Variants in NOVA1 observed in about 807,000 individuals in gnomAD.
NOVA1 encodes the protein RNA-binding protein Nova-1.
A neutral mutation model predicts 38.0 loss-of-function variants in NOVA1; 7 were observed. The ratio of observed to expected loss-of-function variants is 0.18; its 90% CI spans 0.10 to 0.35. The LOEUF is 0.35. NOVA1 is among the 10% of genes least tolerant of loss of function. NOVA1 has a pLI of 1.00. For synonymous variants in NOVA1, 270 were observed against 232.5 expected (o/e 1.16, Z -1.47); for missense variants, 460 against 616.0 (o/e 0.75, Z 2.68).
intron 2 of NOVA1, among the ~76,000 whole-genome samples, chr14:26,542,499 A>G (rs1274388812): frequency 1.3e-5 from 2 of 151,890 alleles, no homozygotes; most frequent in Non-Finnish European, 3.0e-5. Context: ...TGCATTTCAA[A>G]TTGAGACAAC....
chr14:26,528,793 T>C lies in NOVA1; in HGVS notation c.281-48650A>G, dbSNP rs148306027. The stretch of plus-strand genomic sequence containing the variant: ...TCCCTTTAGCCGAATCCTACTATTG[T>C]TGGTGCCCTGTGGTCTTCTTCTAAT... On this transcript the variant is annotated intron_variant, in intron 2 of 4. Transcript: ENST00000539517. 2.5e-3 allele frequency among the ~76,000 whole-genome samples: 380 copies of C among 152,332 alleles called. 1 individual carries two copies. The highest frequency in any genetic ancestry group is 8.6e-3 in the African/African-American group (359 of 41,572).
intron 2 of NOVA1, among the ~76,000 whole-genome samples, chr14:26,521,122 T>C (rs1387796151): frequency 6.6e-6 from 1 of 151,998 alleles, no homozygotes. Context: ...AAGAGTACAA[T>C]TTGAAAATCA....
chr14:26,448,954 T>C lies in NOVA1; in HGVS notation c.529A>G (p.Ile177Val). The C allele has an allele frequency of 6.2e-7, 1 of 1,606,176 alleles. No individual in the cohort carries two copies. The highest frequency in any genetic ancestry group is 8.5e-7 in the Non-Finnish European group (1 of 1,175,838). Residue 177 changes from isoleucine (I) to valine (V), a missense_variant, in exon 5 of 5, where the codon ATA becomes GTA. Ile to Val is a conservative substitution (Grantham distance 29). Transcript: ENST00000539517. The surrounding 1 kb of genome is among the most constrained non-coding windows in gnomAD (Gnocchi z 5.3). The stretch of plus-strand genomic sequence containing the variant: ...AGACCTGCTGTGCTGTTGGGAACTA[T>C]AATCTTTACCTGTAATTAAAAAAAA... Reference protein sequence around the residue: ...TTSRANQVKIIVPNSTAGLII... With the variant: ...TTSRANQVKIVVPNSTAGLII...
At chr14:26,480,225 C>A in intron 2 of NOVA1, 82 bp from the exon 3 acceptor site, 2 of 1,205,766 alleles carry the variant, frequency 1.7e-6, no homozygotes, top group South Asian at 1.5e-5. Flanking sequence ...ATCATAACGC[C>A]AAAAAAATGT....
At chr14:26,487,471 T>C (rs1192826722) in intron 2 of NOVA1, among the ~76,000 whole-genome samples, 2 of 152,062 alleles carry the variant, frequency 1.3e-5, no homozygotes, top group Non-Finnish European at 2.9e-5. Flanking sequence ...GTATAATTGA[T>C]TGACACACAT....
At chr14:26,565,622 C>T (rs984427694) in intron 2 of NOVA1, among the ~76,000 whole-genome samples, 16 of 152,112 alleles carry the variant, frequency 1.1e-4, no homozygotes, top group African/African-American at 3.6e-4. Context: ...GACCATGGTT[C>T]ACTTATTTTT....
intron 2 of NOVA1, among the ~76,000 whole-genome samples, chr14:26,487,311 A>C (rs2138335150): frequency 6.6e-6 from 1 of 152,300 alleles, no homozygotes; most frequent in Non-Finnish European, 1.5e-5. Flanking sequence ...GAATAACTTA[A>C]AATTTGAAGC....
At chr14:26,453,213 T>TATTC in intron 4 of NOVA1, among the ~76,000 whole-genome samples, 1 of 150,034 alleles carries the variant, frequency 6.7e-6, no homozygotes, top group East Asian at 2.0e-4. Flanking sequence ...TGTATGTATT[T>TATTC]ATTTATTTTT....
intron 2 of NOVA1, among the ~76,000 whole-genome samples, chr14:26,589,829 T>C (rs1462904328): frequency 6.6e-6 from 1 of 151,792 alleles, no homozygotes; most frequent in African/African-American, 2.4e-5. Context: ...TTGAAAATAT[T>C]TCCATATTAA....
At chr14:26,472,820 G>A (rs1226094145) in intron 3 of NOVA1, among the ~76,000 whole-genome samples, 1 of 151,858 alleles carries the variant, frequency 6.6e-6, no homozygotes, top group African/African-American at 2.4e-5. Flanking sequence ...GTGGTGAAAT[G>A]AAGTTTACTT....
At chr14:26,452,040 G>T (rs1317166978) in intron 4 of NOVA1, among the ~76,000 whole-genome samples, 1 of 152,038 alleles carries the variant, frequency 6.6e-6, no homozygotes, top group Non-Finnish European at 1.5e-5. Flanking sequence ...TTCTGTGTAA[G>T]ACTACCAAAT....
intron 2 of NOVA1, among the ~76,000 whole-genome samples, chr14:26,537,225 AG>A (rs1357248044): frequency 1.3e-5 from 2 of 152,022 alleles, no homozygotes; most frequent in Admixed American, 6.6e-5. Flanking sequence ...TGAAAAATGA[AG>A]GGTATATTAT....
chr14:26,575,121 C>G (rs1467223068), intron 2 of NOVA1, among the ~76,000 whole-genome samples: 1 of 152,130 alleles, frequency 6.6e-6, no homozygotes, highest in East Asian at 1.9e-4. Flanking sequence ...TTTAGACAGT[C>G]CTTTTAAAAT....
intron 2 of NOVA1, among the ~76,000 whole-genome samples, chr14:26,520,559 C>T (rs76135471): frequency 0.033 from 5,098 of 152,186 alleles, 218 homozygotes; most frequent in African/African-American, 0.098. Flanking sequence ...GAAAAGGACA[C>T]TTGTCAAAAC....
At chr14:26,505,753 A>T (rs1180885025) in intron 2 of NOVA1, among the ~76,000 whole-genome samples, 3 of 152,208 alleles carry the variant, frequency 2.0e-5, no homozygotes, top group African/African-American at 7.2e-5. Flanking sequence ...AGCTGCATTT[A>T]AAAATATTCC....
chr14:26,495,233 A>G (rs1284712550), intron 2 of NOVA1, among the ~76,000 whole-genome samples: 1 of 152,178 alleles, frequency 6.6e-6, no homozygotes, highest in Admixed American at 6.5e-5. Context: ...CTTAACAGCC[A>G]TAAACAGCCT....
chr14:26,474,366 G>T (rs1470091246), intron 3 of NOVA1, among the ~76,000 whole-genome samples: 1 of 151,856 alleles, frequency 6.6e-6, no homozygotes, highest in Non-Finnish European at 1.5e-5. Flanking sequence ...TCTCAACAAG[G>T]TCTTAACTGC....
At chr14:26,494,188 T>C (rs531338975) in intron 2 of NOVA1, among the ~76,000 whole-genome samples, 76 of 152,322 alleles carry the variant, frequency 5.0e-4, no homozygotes, top group African/African-American at 1.7e-3. Flanking sequence ...AGTTTGAGCA[T>C]ATGCCTCATA....
At chr14:26,576,221 G>C (rs1014966250) in intron 2 of NOVA1, among the ~76,000 whole-genome samples, 4 of 151,744 alleles carry the variant, frequency 2.6e-5, no homozygotes, top group African/African-American at 4.8e-5. Context: ...TTCTAAGAAT[G>C]ATAGATTTTA....
Sources: allele counts gnomAD v4.1 joint callset (sites outside exome capture counted in the v4.1 genomes callset), GRCh38; gene constraint gnomAD v4.1.1; non-coding constraint Gnocchi (gnomAD v3.1); transcripts MANE v1.5; gene names NCBI Gene and HGNC (gene_info 2026-07-23, HGNC 2026-07-21).